The following PRSS27 variants were observed in gnomAD, a reference collection of about 807,000 sequenced individuals.
The protein encoded by PRSS27 is channel-activating protease 2.
In PRSS27, 25 loss-of-function variants were observed where a neutral mutation model predicts 32.0. The ratio of observed to expected loss-of-function variants is 0.78; its 90% CI spans 0.57 to 1.09. The LOEUF is 1.09. Ranked by LOEUF, PRSS27 falls within the 50% of genes least tolerant of loss-of-function variation. The pLI is 0.00. For missense variants in PRSS27, 401 were observed against 394.9 expected (o/e 1.02, Z -0.13); for synonymous variants, 178 against 172.2 (o/e 1.03, Z -0.26).
intron 1 of PRSS27, 72 bp downstream of exon 1, chr16:2,720,043 C>T (rs960413869): frequency 7.6e-5 from 106 of 1,392,796 alleles, no homozygotes; most frequent in Non-Finnish European, 1.0e-4. Context: ...GGGGCTGAGC[C>T]GGAGCCCCAG....
At chr16:2,715,279 C>T (rs2067694005) in intron 3 of PRSS27, 1 of 163,326 alleles carries the variant, frequency 6.1e-6, no homozygotes, top group South Asian at 1.5e-4. Context: ...TCAGGGCTTT[C>T]TGGGGTGGTT....
chr16:2,715,516 C>CG lies in PRSS27; in HGVS notation c.236+201dup, dbSNP rs1195308000. 3 of 508,790 alleles carry CG rather than the reference C, an allele frequency of 5.9e-6. No homozygotes were observed. The African/African-American group carries it at 6.2e-5, about 11-fold the overall frequency. 31.5% of individuals were successfully genotyped at this position (508,790 alleles called of 1,614,324 possible). ...GGGGGGCGGTGCGAGGCACCTCCCG[C>CG]GGGCGGGAGCAGCGGTTGCAACTGG... On this transcript the variant is annotated intron_variant, in intron 3 of 5. Transcript: ENST00000302641.
Position 2,714,754 on chromosome 16 carries a change from T to G in PRSS27, c.237-418A>C, listed in dbSNP as rs868162007. On this transcript the variant is annotated intron_variant, in intron 3 of 5. Transcript: ENST00000302641. The surrounding 1 kb of genome is among the most constrained non-coding windows in gnomAD (Gnocchi z 4.7). The stretch of plus-strand genomic sequence containing the variant: ...CGAGTTTCCGATTTTTTTTTTCCCC[T>G]AGAGACAGAGTTCTCATTCTGTCAC... The G allele has an allele frequency of 5.4e-4, 129 of 239,286 alleles. No homozygotes were observed. The highest frequency in any genetic ancestry group is 2.8e-3 in the African/African-American group (121 of 42,828). The allele number at this position is 239,286 out of a possible 1,614,324, so 14.8% of individuals were successfully genotyped here. A position where few individuals can be genotyped will look rare whatever the true frequency, so the allele number is the denominator to read the frequency against.
At chr16:2,713,491 T>C (rs1183371279) in intron 5 of PRSS27, 38 bp downstream of exon 5, 3 of 1,608,758 alleles carry the variant, frequency 1.9e-6, no homozygotes, top group Non-Finnish European at 1.7e-6. Flanking sequence ...GGCCTGGCGG[T>C]GGGGACTGAG....
chr16:2,718,803 C>A (rs746019324), intron 1 of PRSS27, among the ~76,000 whole-genome samples: 6 of 152,152 alleles, frequency 3.9e-5, no homozygotes, highest in Non-Finnish European at 7.3e-5. Context: ...CCAGGAGCTC[C>A]GAGAAGGCAA....
In PRSS27 at chr16:2,714,353, AGAGGCGGCGT is replaced by A. The variant is rs778572688; in HGVS notation, c.237-27_237-18del. The A allele has an allele frequency of 8.2e-6, 13 of 1,586,836 alleles. No individual in the cohort carries two copies. The African/African-American group carries it at 1.2e-4, about 15-fold the overall frequency. ...TCAGAGGTGCTGGCGGGAGAAACAGAGAGGCGGCGTGAGGCGGCCCCTCGTGTGGGGACAG... is the reference window on the plus strand; with the variant it reads ...TCAGAGGTGCTGGCGGGAGAAACAGAGAGGCGGCCCCTCGTGTGGGGACAG... On this transcript the variant is annotated intron_variant, in intron 3 of 5. Transcript: ENST00000302641. The surrounding 1 kb of genome is among the most constrained non-coding windows in gnomAD (Gnocchi z 4.7).
In PRSS27 at chr16:2,712,963, A is replaced by G. The variant is rs1171980643; in HGVS notation, c.679-149T>C. 2 of 635,078 alleles carry G rather than the reference A, an allele frequency of 3.1e-6. No individual in the cohort carries two copies. The highest frequency in any genetic ancestry group is 5.3e-6 in the Non-Finnish European group (2 of 376,638). 39.3% of individuals were successfully genotyped at this position (635,078 alleles called of 1,614,324 possible). A position where few individuals can be genotyped will look rare whatever the true frequency, so the allele number is the denominator to read the frequency against. On this transcript the variant is annotated intron_variant, in intron 5 of 5. Coordinates refer to ENST00000302641, the MANE Select transcript of PRSS27 (RefSeq NM_031948.5). The surrounding 1 kb of genome is among the most constrained non-coding windows in gnomAD (Gnocchi z 4.6). ...CGGCTCCCCATCCCCTGCCAGTCCG[A>G]TTGTCTAAAGTGCCTATTCTTTAGT...
intron 1 of PRSS27, 109 bp downstream of exon 1, chr16:2,720,006 A>G (rs1177064076): frequency 3.7e-6 from 4 of 1,073,912 alleles, no homozygotes; most frequent in South Asian, 1.5e-5. Context: ...GGCCTGTCCC[A>G]CAGCCCCAGC....
Position 2,720,133 on chromosome 16 carries a change from G to C in PRSS27, c.28C>G (p.Leu10Val), listed in dbSNP as rs138445290. ...GACTCACCAAAACACAGCAGCAGCAGGAGCGGCACCGCCGCCGGCCGCCTC... is the reference window on the plus strand; with the variant it reads ...GACTCACCAAAACACAGCAGCAGCACGAGCGGCACCGCCGCCGGCCGCCTC... MRRPAAVPLLLLLCFGSQRA... is the reference protein window; with the variant it reads MRRPAAVPLVLLLCFGSQRA... The change falls in exon 1 of 6, where the codon CTG (leucine) becomes GTG (valine). Residue 10 changes from leucine to valine, a missense_variant. Leu to Val is a conservative substitution (Grantham distance 32, BLOSUM62 1). Coordinates refer to ENST00000302641, the MANE Select transcript of PRSS27 (RefSeq NM_031948.5). 1.3e-5 allele frequency: 21 copies of C among 1,603,650 alleles called. No individual in the cohort carries two copies. In the South Asian group the frequency reaches 2.1e-4, roughly 16 times the overall value.
rs1159411008 is a variant in PRSS27, at chr16:2,713,634, G to A, written c.573C>T (p.Cys191=). ...CGGTGTCTTTGCTGTAGAGCAGGTT[G>A]CACTTGGGTGTGTCGATGATGGGCA... ...LAVPIIDTPK[C]NLLYSKDTEF... Residue 191 remains cysteine (C), a synonymous_variant, in exon 5 of 6, where the codon TGC becomes TGT. Coordinates refer to ENST00000302641, the MANE Select transcript of PRSS27 (RefSeq NM_031948.5). 1 of 1,614,224 alleles carries A rather than the reference G, an allele frequency of 6.2e-7. No homozygotes were observed. Among genetic ancestry groups the A allele is most frequent in the Admixed American group, 1.7e-5 (1 of 60,024 alleles).
At chr16:2,715,196 G>A (rs2067693511) in intron 3 of PRSS27, 1 of 153,688 alleles carries the variant, frequency 6.5e-6, no homozygotes, top group Non-Finnish European at 1.4e-5. Flanking sequence ...GAGGTGAGGG[G>A]GCCTGGGACA....
chr16:2,713,077 G>C (rs1270636971), intron 5 of PRSS27: 2 of 535,222 alleles, frequency 3.7e-6, no homozygotes, highest in Admixed American at 7.1e-5. Flanking sequence ...TCCTTCTGGG[G>C]TGGGGTCCAG....
At chr16:2,713,780 G>A in intron 4 of PRSS27, 82 bp from the exon 5 acceptor site, 2 of 1,464,814 alleles carry the variant, frequency 1.4e-6, no homozygotes, top group Non-Finnish European at 1.9e-6. Context: ...ACTCCATCCT[G>A]CCTGTCGTTT....
intron 2 of PRSS27, chr16:2,716,096 G>A (rs1045147299): frequency 1.9e-5 from 10 of 521,924 alleles, no homozygotes; most frequent in African/African-American, 3.9e-5. Flanking sequence ...GCCGAGAAAG[G>A]CAACCTAACA....
intron 1 of PRSS27, 62 bp from the exon 2 acceptor site, chr16:2,716,588 C>A: frequency 1.3e-6 from 2 of 1,504,564 alleles, no homozygotes; most frequent in Non-Finnish European, 1.8e-6. Flanking sequence ...CTCCCCAACC[C>A]TGCAGCCCCT....
At position 2,714,438 on chromosome 16, in the gene PRSS27, T is replaced by C. The variant is rs766006468; in HGVS notation, c.237-102A>G. 6.2e-5 allele frequency: 80 copies of C among 1,298,824 alleles called. No individual in the cohort carries two copies. Among genetic ancestry groups the C allele is most frequent in the Non-Finnish European group, 7.8e-5 (72 of 928,634 alleles). The allele number at this position is 1,298,824 out of a possible 1,614,324, so 80.5% of individuals were successfully genotyped here. A position where few individuals can be genotyped will look rare whatever the true frequency, so the allele number is the denominator to read the frequency against. On this transcript the variant is annotated intron_variant, in intron 3 of 5. Coordinates refer to ENST00000302641, the MANE Select transcript of PRSS27 (RefSeq NM_031948.5). This position sits in a 1 kb window ranked among gnomAD's most constrained non-coding sequence, Gnocchi z 4.7. ...TGGCCACCACCGTGCCCCACACCTC[T>C]CTCTGCACAATGTCTTCGAGAGTCA...
rs965102575 is a variant in PRSS27 at position 2,715,721 on chromosome 16, C to T, written c.233G>A (p.Arg78His). 2 of 1,536,952 alleles carry T rather than the reference C, an allele frequency of 1.3e-6. No individual in the cohort carries two copies. Among genetic ancestry groups the T allele is most frequent in the Non-Finnish European group, 1.7e-6 (2 of 1,145,876 alleles). Residue 78 changes from arginine (R) to histidine (H), a missense_variant, in exon 3 of 6, where the codon CGC becomes CAC. By Grantham distance (29) the Arg-to-His change is conservative. Coordinates refer to ENST00000302641, the MANE Select transcript of PRSS27 (RefSeq NM_031948.5). ...QWVLTAAHCFRNTSETSLYQV... is the reference protein window; with the variant it reads ...QWVLTAAHCFHNTSETSLYQV... ...GGGCAGGGGCGGGCGGACTCACTTG[C>T]GGAAGCAGTGCGCAGCCGTCAGGAC... is the stretch of plus-strand genomic sequence containing the variant.
At chr16:2,719,518 T>G (rs2067722032) in intron 1 of PRSS27, among the ~76,000 whole-genome samples, 1 of 152,090 alleles carries the variant, frequency 6.6e-6, no homozygotes, top group Non-Finnish European at 1.5e-5. Context: ...GCCCCCTGGC[T>G]GGCACCTGCT....
intron 5 of PRSS27, chr16:2,713,243 CG>C (rs2067675839): frequency 4.3e-6 from 2 of 464,144 alleles, no homozygotes; most frequent in Non-Finnish European, 4.0e-6. Flanking sequence ...GGACTACAGG[CG>C]CCCACCACCA....
Sources: gnomAD v4.1 joint callset for allele counts (sites outside exome capture counted in the v4.1 genomes callset) on GRCh38, gnomAD v4.1.1 for gene constraint, Gnocchi (gnomAD v3.1) non-coding constraint, MANE v1.5 for transcripts, NCBI Gene and HGNC (gene_info 2026-07-23, HGNC 2026-07-21) for gene names.